POLR1C: variants seen among roughly 807,000 people sequenced by gnomAD.
POLR1C encodes the protein DNA-directed RNA polymerases I and III subunit RPAC1.
A neutral mutation model predicts 38.3 loss-of-function variants in POLR1C; 42 were observed. The observed-to-expected ratio is 1.10, with a 90% CI of 0.86 to 1.42. The LOEUF is 1.42. Among genes scored for constraint, POLR1C ranks in the 40% most tolerant of loss-of-function variants. The probability of loss-of-function intolerance (pLI) is 0.00; values close to 1 mark genes in which losing one functional copy is unlikely to be tolerated. For synonymous variants in POLR1C, 163 were observed against 163.9 expected, an observed-to-expected ratio of 0.99 and a Z score of 0.04; for missense variants, 507 against 450.5, an observed-to-expected ratio of 1.13 and a Z score of -1.14.
At chr6:43,547,821 G>A (rs1368723641) in intron 9 of POLR1C, 1 of 789,620 alleles carries the variant, frequency 1.3e-6, no homozygotes, top group Non-Finnish European at 2.1e-6. Flanking sequence ...TTTTTATAGT[G>A]AGAGGAGTAT....
chr6:43,547,198 T>C (rs1795006165), intron 9 of POLR1C: 1 of 356,080 alleles, frequency 2.8e-6, no homozygotes, highest in African/African-American at 2.1e-5. Context: ...ACTTGTGCCA[T>C]AATGGAGCCA....
At chr6:43,521,832 A>G (rs114050171), downstream of POLR1C, among the ~76,000 whole-genome samples, 1,494 of 151,462 alleles carry the variant, frequency 9.9e-3, 13 homozygotes, top group African/African-American at 0.027. Flanking sequence ...CGCGAAAAAC[A>G]GGGGGCCTCA....
chr6:43,557,860 C>A (rs532063743), intron 10 of POLR1C, among the ~76,000 whole-genome samples: 3 of 147,518 alleles, frequency 2.0e-5, no homozygotes, highest in African/African-American at 7.4e-5. Context: ...CTTTGGGAGA[C>A]TGAGGCGGGC....
intron 10 of POLR1C, among the ~76,000 whole-genome samples, chr6:43,557,800 A>G (rs1369701081): frequency 4.6e-5 from 7 of 150,952 alleles, no homozygotes; most frequent in African/African-American, 1.5e-4. Context: ...AAAAAAAAAA[A>G]AAAAAAAAAG....
intron 9 of POLR1C, chr6:43,549,395 T>C (rs1431239740): frequency 3.2e-6 from 4 of 1,243,310 alleles, no homozygotes; most frequent in Non-Finnish European, 4.5e-6. Context: ...AGCTATAGTT[T>C]CTAGTTTTTT....
downstream of POLR1C, chr6:43,524,745 C>T: frequency 6.3e-7 from 1 of 1,587,978 alleles, no homozygotes; most frequent in Non-Finnish European, 8.6e-7. Flanking sequence ...TGGCAGGTGC[C>T]TGAATTTAGG....
chr6:43,524,006 CTG>C (rs1284896751), downstream of POLR1C: 4 of 1,612,016 alleles, frequency 2.5e-6, no homozygotes, highest in Non-Finnish European at 3.4e-6. Flanking sequence ...CCAAGGGTTT[CTG>C]TGGAAAACAA....
intron 9 of POLR1C, among the ~76,000 whole-genome samples, chr6:43,535,439 A>G (rs1794255739): frequency 6.6e-6 from 1 of 151,948 alleles, no homozygotes; most frequent in Non-Finnish European, 1.5e-5. Flanking sequence ...AAAATATAAA[A>G]ATTAGCCAGG....
At chr6:43,522,830 C>G (rs1043571321), downstream of POLR1C, 1 of 317,902 alleles carries the variant, frequency 3.1e-6, no homozygotes, top group Non-Finnish European at 7.2e-6. Flanking sequence ...GGCCAGGTCC[C>G]GTATCCATGT....
At chr6:43,558,612 G>T (rs780246154) in intron 10 of POLR1C, 30 of 1,549,906 alleles carry the variant, frequency 1.9e-5, no homozygotes, top group Non-Finnish European at 2.3e-5. Context: ...AAAGGTAATT[G>T]GGGTAGGGGA....
At chr6:43,552,507 C>T (rs373033915) in intron 10 of POLR1C, among the ~76,000 whole-genome samples, 4 of 152,254 alleles carry the variant, frequency 2.6e-5, no homozygotes, top group South Asian at 4.1e-4. Context: ...CATGCACCAG[C>T]ATGCCCAGTT....
At position 43,521,403 on chromosome 6, in the gene POLR1C, C is replaced by G. The variant is rs1127166; in HGVS notation, c.*103C>G. On this transcript the variant is annotated 3_prime_UTR_variant, in exon 9 of 9. Transcript: ENST00000642195. ...AGTGTGACTAGGGATCCTGAGTTTT[C>G]TGGGACAATTCCAGCTTTAATCAAT... 6.3e-7 allele frequency: 1 copy of G among 1,597,434 alleles called. No individual in the cohort carries two copies. Among genetic ancestry groups the G allele is most frequent in the Non-Finnish European group, 8.5e-7 (1 of 1,173,314 alleles).
chr6:43,536,756 T>C (rs1452631647), intron 9 of POLR1C, among the ~76,000 whole-genome samples: 2 of 53,528 alleles, frequency 3.7e-5, no homozygotes, highest in Non-Finnish European at 5.6e-5. Flanking sequence ...TGAGACTCTA[T>C]CTAAAAAAAA....
chr6:43,539,784 A>T (rs1794588271), intron 9 of POLR1C: 8 of 576,750 alleles, frequency 1.4e-5, no homozygotes, highest in Non-Finnish European at 2.4e-5. Context: ...CTGTTCCTTG[A>T]AGGTCTGGGA....
rs776751910 is a variant in POLR1C, at chr6:43,519,349, T to C, written c.158T>C (p.Val53Ala). ...DRFEKNFRVD[V>A]VHMDENSLEF... ...TCCCTCTAGAATTTCCGTGTGGATG[T>C]AGTACACATGGATGAAAACTCACTG... Residue 53 changes from valine (V) to alanine (A), a missense_variant, in exon 3 of 9, where the codon GTA becomes GCA. Val to Ala is a moderately conservative substitution (Grantham distance 64, BLOSUM62 0). Transcript: ENST00000642195. The C allele has an allele frequency of 1.2e-6, 2 of 1,609,686 alleles. No individual in the cohort carries two copies. The highest frequency in any genetic ancestry group is 4.5e-5 in the East Asian group (2 of 44,872).
chr6:43,549,620 TA>T, intron 9 of POLR1C: 1 of 1,597,850 alleles, frequency 6.3e-7, no homozygotes, highest in South Asian at 1.1e-5. Flanking sequence ...GCTTTTAATA[TA>T]ATATACAGGT....
chr6:43,535,466 G>A (rs947072616), intron 9 of POLR1C, among the ~76,000 whole-genome samples: 29 of 151,978 alleles, frequency 1.9e-4, no homozygotes, highest in African/African-American at 6.5e-4. Flanking sequence ...GGTGGGTGCC[G>A]GGCATGGTAG....
At chr6:43,561,195 A>G (rs576960528) in intron 10 of POLR1C, among the ~76,000 whole-genome samples, 1 of 152,208 alleles carries the variant, frequency 6.6e-6, no homozygotes, top group South Asian at 2.1e-4. Flanking sequence ...TGCCTACTCA[A>G]TCATCATCAT....
chr6:43,536,725 A>T lies in POLR1C; in HGVS notation c.*4+7366A>T, dbSNP rs113395379. Among the ~76,000 whole-genome samples, 52 of 124,088 alleles carry T rather than the reference A, an allele frequency of 4.2e-4. 1 individual carries two copies. The highest frequency in any genetic ancestry group is 5.6e-3 in the Middle Eastern group (1 of 180). The allele number at this position is 124,088 out of a possible 152,430, so 81.4% of individuals were successfully genotyped here. A position where few individuals can be genotyped will look rare whatever the true frequency, so the allele number is the denominator to read the frequency against. ...CAGTGAGCCAAGGTCGCGCCACTGC[A>T]CTCCAGCCTGGACGACAGAGTGAGA... On this transcript the variant is annotated intron_variant, in intron 9 of 10. Coordinates refer to the POLR1C transcript ENST00000607635.
Sources: gnomAD v4.1 joint callset for allele counts (sites outside exome capture counted in the v4.1 genomes callset) on GRCh38, gnomAD v4.1.1 for gene constraint, MANE v1.5 for transcripts, NCBI Gene and HGNC (gene_info 2026-07-23, HGNC 2026-07-21) for gene names.